RFX3: variants seen among roughly 807,000 people sequenced by gnomAD.
RFX3 encodes transcription factor RFX3.
Under a neutral mutation model 98.6 loss-of-function variants are expected in RFX3, and 14 were observed. That is an observed-to-expected ratio of 0.14 (90% CI 0.09 to 0.22). The LOEUF is 0.22. Ranked by LOEUF, RFX3 falls within the 10% of genes least tolerant of loss-of-function variation. The pLI, the probability that RFX3 is intolerant of heterozygous loss-of-function variation, is 1.00. For missense variants in RFX3, 639 were observed against 926.9 expected (o/e 0.69, Z 4.03); for synonymous variants, 383 against 328.4 (o/e 1.17, Z -1.80).
intron 1 of RFX3, among the ~76,000 whole-genome samples, chr9:3,467,758 T>C (rs1848440253): frequency 6.6e-6 from 1 of 152,160 alleles, no homozygotes. Flanking sequence ...ACAATGCTGC[T>C]CTTTGCAATG....
rs1817252368 is a variant in RFX3, at chr9:3,219,884, A to G, written c.*5158T>C. The G allele has an allele frequency of 6.6e-6, 1 of 152,196 alleles. No homozygotes were observed. The highest frequency in any genetic ancestry group is 6.6e-5 in the Admixed American group (1 of 15,264). 9.4% of individuals were successfully genotyped at this position (152,196 alleles called of 1,614,324 possible). On this transcript the variant is annotated 3_prime_UTR_variant, in exon 17 of 17. Transcript: ENST00000617270. ...TTCACCAGACATCAGAATAGGTTAC[A>G]CTCTTATTTGCACCCAGCTAGGGCA... is the stretch of plus-strand genomic sequence containing the variant.
intron 1 of RFX3, among the ~76,000 whole-genome samples, chr9:3,471,304 A>ATATCAT (rs1848752633): frequency 6.6e-6 from 1 of 152,224 alleles, no homozygotes; most frequent in Admixed American, 6.5e-5. Context: ...AAGGCAAGTA[A>ATATCAT]TATCATTCTG....
At chr9:3,493,023 ATAT>A (rs768169503) in intron 1 of RFX3, among the ~76,000 whole-genome samples, 3 of 152,000 alleles carry the variant, frequency 2.0e-5, no homozygotes, top group African/African-American at 7.3e-5. Context: ...AATAATAACA[ATAT>A]TATTATTATA....
chr9:3,269,169 AT>A (rs953362463), intron 11 of RFX3, among the ~76,000 whole-genome samples: 21 of 150,084 alleles, frequency 1.4e-4, no homozygotes, highest in Admixed American at 3.3e-4. Context: ...ATGTCAGCTA[AT>A]TTTTTTTTTA....
At chr9:3,405,963 G>GT (rs544121779) in intron 1 of RFX3, among the ~76,000 whole-genome samples, 270 of 150,532 alleles carry the variant, frequency 1.8e-3, no homozygotes, top group African/African-American at 2.7e-3. Flanking sequence ...GTCTTGTTTT[G>GT]TTTTTTTTTG....
Position 3,465,458 on chromosome 9 carries a change from C to CTT in RFX3, c.-9+60287_-9+60288dup, listed in dbSNP as rs34093115. ...GGCATGCACCACCATGCCCAGGTAA[C>CTT]TTTTTTTTTTTTTTTTTGTATTTTT... On this transcript the variant is annotated intron_variant, in intron 1 of 16. Transcript: ENST00000617270. 7.2e-3 allele frequency among the ~76,000 whole-genome samples: 932 copies of CTT among 129,586 alleles called. 6 individuals are homozygous for CTT. The highest frequency in any genetic ancestry group is 0.02 in the Middle Eastern group (5 of 248). 85.0% of individuals were successfully genotyped at this position (129,586 alleles called of 152,430 possible).
At chr9:3,331,173 T>C (rs1587112099) in intron 3 of RFX3, among the ~76,000 whole-genome samples, 1 of 152,218 alleles carries the variant, frequency 6.6e-6, no homozygotes. Context: ...CTTCTGCCCT[T>C]AGCCTTTCAT....
rs1242824002 is a variant in RFX3, at chr9:3,224,466, T to A, written c.*576A>T. 2 of 152,430 alleles carry A rather than the reference T, an allele frequency of 1.3e-5. No individual in the cohort carries two copies. Among genetic ancestry groups the A allele is most frequent in the African/African-American group, 4.8e-5 (2 of 41,450 alleles). 9.4% of individuals were successfully genotyped at this position (152,430 alleles called of 1,614,324 possible). On this transcript the variant is annotated 3_prime_UTR_variant, in exon 17 of 17. Transcript: ENST00000617270. ...CATTTTTTCCTCAGAGAAAAATAGA[T>A]GACCTTCCAAACCCTCTAGCACTAT...
chr9:3,492,288 T>C (rs1850781012), intron 1 of RFX3, among the ~76,000 whole-genome samples: 1 of 152,186 alleles, frequency 6.6e-6, no homozygotes, highest in Non-Finnish European at 1.5e-5. Context: ...TCATACCCCA[T>C]AACTAAGAGT....
At chr9:3,258,552 C>G (rs529406118) in intron 13 of RFX3, among the ~76,000 whole-genome samples, 1 of 152,024 alleles carries the variant, frequency 6.6e-6, no homozygotes, top group Non-Finnish European at 1.5e-5. Context: ...GCTGATGATA[C>G]TATTCACTGT....
chr9:3,502,542 C>A (rs1287750488), intron 1 of RFX3, among the ~76,000 whole-genome samples: 1 of 152,110 alleles, frequency 6.6e-6, no homozygotes, highest in Non-Finnish European at 1.5e-5. Flanking sequence ...GTAAATAATA[C>A]CATCTCACAG....
Position 3,394,929 on chromosome 9 carries a change from A to G in RFX3, c.117+543T>C, listed in dbSNP as rs1318997382. 4 of 625,314 alleles carry G rather than the reference A, an allele frequency of 6.4e-6. No individual in the cohort carries two copies. The African/African-American group carries it at 8.0e-5, about 12-fold the overall frequency. 38.7% of individuals were successfully genotyped at this position (625,314 alleles called of 1,614,324 possible). ...AATATCTGATGATGAATTCACTCCC[A>G]ACTTTTTAAATAGCTTGAGTCAGAT... On this transcript the variant is annotated intron_variant, in intron 2 of 16. Transcript: ENST00000617270.
At chr9:3,501,878 AATTT>A (rs1816051642) in intron 1 of RFX3, among the ~76,000 whole-genome samples, 1 of 151,772 alleles carries the variant, frequency 6.6e-6, no homozygotes, top group South Asian at 2.1e-4. Context: ...TTAATATTAA[AATTT>A]ATTACAGGAA....
At chr9:3,513,753 C>T (rs975990574) in intron 1 of RFX3, among the ~76,000 whole-genome samples, 7 of 152,036 alleles carry the variant, frequency 4.6e-5, no homozygotes, top group Non-Finnish European at 1.0e-4. Flanking sequence ...TCTATCAACC[C>T]CCAAAAATGC....
chr9:3,324,913 G>A (rs554395409), intron 4 of RFX3, among the ~76,000 whole-genome samples: 102 of 152,078 alleles, frequency 6.7e-4, no homozygotes, highest in African/African-American at 2.4e-3. Context: ...GCAGTGAGCC[G>A]AGATCACGCC....
chr9:3,350,996 G>C (rs1290538460), intron 2 of RFX3, among the ~76,000 whole-genome samples: 1 of 152,012 alleles, frequency 6.6e-6, no homozygotes, highest in African/African-American at 2.4e-5. Flanking sequence ...AAACTACTCT[G>C]CATGATACTG....
At chr9:3,265,047 A>G (rs955727196) in intron 12 of RFX3, among the ~76,000 whole-genome samples, 2 of 147,544 alleles carry the variant, frequency 1.4e-5, no homozygotes, top group African/African-American at 2.4e-5. Flanking sequence ...CAGCACTGCC[A>G]AAGAGAACTC....
chr9:3,429,022 ACT>A (rs1327068560), intron 1 of RFX3, among the ~76,000 whole-genome samples: 1 of 141,186 alleles, frequency 7.1e-6, no homozygotes, highest in Admixed American at 7.1e-5. Context: ...ATTTTTAGTT[ACT>A]CTTTTTTTTT....
intron 1 of RFX3, among the ~76,000 whole-genome samples, chr9:3,479,222 G>A (rs567793934): frequency 6.6e-6 from 1 of 152,138 alleles, no homozygotes; most frequent in African/African-American, 2.4e-5. Context: ...CTGCTTAATT[G>A]CCAGAATTCT....
Sources: allele counts gnomAD v4.1 joint callset (sites outside exome capture counted in the v4.1 genomes callset), GRCh38; gene constraint gnomAD v4.1.1; transcripts MANE v1.5; gene names NCBI Gene and HGNC (gene_info 2026-07-23, HGNC 2026-07-21).